TENM2: variants seen among roughly 807,000 people sequenced by gnomAD.
The protein encoded by TENM2 is teneurin transmembrane protein 2.
In TENM2, 52 loss-of-function variants were observed where a neutral mutation model predicts 245.2. The observed-to-expected ratio is 0.21, with a 90% CI of 0.17 to 0.27. TENM2 has a LOEUF of 0.27. TENM2 is among the 10% of genes least tolerant of loss of function. TENM2 has a pLI of 1.00. For missense variants in TENM2, 3,046 were observed against 3,666.8 expected, an observed-to-expected ratio of 0.83 and a Z score of 4.37; for synonymous variants, 1,363 against 1,438.9, an observed-to-expected ratio of 0.95 and a Z score of 1.19.
chr5:167,091,308 C>T, the TENM2 span, among the ~76,000 whole-genome samples: 1 of 152,194 alleles, frequency 6.6e-6, no homozygotes, highest in African/African-American at 2.4e-5. Flanking sequence ...GTATGGATAA[C>T]TGTCATTGAA....
chr5:167,223,583 A>G, the TENM2 span, among the ~76,000 whole-genome samples: 1 of 152,044 alleles, frequency 6.6e-6, no homozygotes, highest in African/African-American at 2.4e-5. Flanking sequence ...TTCTTTACCT[A>G]TTTATCCACT....
At chr5:167,895,023 G>GAGGGAGGC (rs1364782557) in intron 3 of TENM2, among the ~76,000 whole-genome samples, 3 of 129,692 alleles carry the variant, frequency 2.3e-5, no homozygotes. Flanking sequence ...GGGAGGGAGG[G>GAGGGAGGC]AGGGAGGCAG....
intron 2 of TENM2, among the ~76,000 whole-genome samples, chr5:167,472,432 C>T (rs1767090011): frequency 6.6e-6 from 1 of 152,186 alleles, no homozygotes; most frequent in African/African-American, 2.4e-5. Context: ...GGCTAGAACA[C>T]TAGAAATTGT....
chr5:168,141,936 G>A (rs139576730), intron 12 of TENM2, among the ~76,000 whole-genome samples: 11 of 152,266 alleles, frequency 7.2e-5, no homozygotes, highest in South Asian at 6.2e-4. Flanking sequence ...CGATTGGAGC[G>A]CTATACTGGA....
At chr5:167,478,990 A>ATGTGTGTGTG (rs58286500) in intron 2 of TENM2, among the ~76,000 whole-genome samples, 23 of 151,252 alleles carry the variant, frequency 1.5e-4, no homozygotes, top group African/African-American at 2.4e-4. Context: ...CTTTATATAT[A>ATGTGTGTGTG]TGTGTGTGTG....
chr5:167,233,528 T>G, the TENM2 span, among the ~76,000 whole-genome samples: 252 of 152,318 alleles, frequency 1.7e-3, 1 homozygote, highest in South Asian at 2.7e-3. Context: ...TGACTGCTGT[T>G]TAGCAGAGAG....
At chr5:168,122,360 T>A (rs1055733215) in intron 10 of TENM2, among the ~76,000 whole-genome samples, 1 of 152,108 alleles carries the variant, frequency 6.6e-6, no homozygotes, top group Admixed American at 6.5e-5. Context: ...GTATTTTTAG[T>A]AGAGACAGAG....
chr5:167,045,569 T>C, the TENM2 span, among the ~76,000 whole-genome samples: 1 of 152,332 alleles, frequency 6.6e-6, no homozygotes, highest in South Asian at 2.1e-4. Flanking sequence ...TGATGGCTAT[T>C]TAGAGTTAAG....
At chr5:167,511,892 A>G (rs1380411667) in intron 2 of TENM2, among the ~76,000 whole-genome samples, 1 of 152,198 alleles carries the variant, frequency 6.6e-6, no homozygotes, top group Non-Finnish European at 1.5e-5. Context: ...CCCCAAGAGA[A>G]ATGAAATTTG....
chr5:167,011,525 C>CT, the TENM2 span, among the ~76,000 whole-genome samples: 68 of 152,308 alleles, frequency 4.5e-4, no homozygotes, highest in Middle Eastern at 3.4e-3. Flanking sequence ...TGGTAGTGTT[C>CT]TTTGCGTACT....
At chr5:167,129,479 T>A in the TENM2 span, among the ~76,000 whole-genome samples, 1 of 152,230 alleles carries the variant, frequency 6.6e-6, no homozygotes, top group East Asian at 1.9e-4. Flanking sequence ...GCTGGAGTAA[T>A]CATGGAGGAA....
At chr5:167,921,815 C>T (rs1777391822) in intron 3 of TENM2, among the ~76,000 whole-genome samples, 1 of 152,156 alleles carries the variant, frequency 6.6e-6, no homozygotes, top group South Asian at 2.1e-4. Flanking sequence ...GATTACTTGA[C>T]CTCATGAAAT....
At chr5:167,365,923 TAAAG>T (rs1356906981) in intron 1 of TENM2, among the ~76,000 whole-genome samples, 1 of 151,854 alleles carries the variant, frequency 6.6e-6, no homozygotes, top group Non-Finnish European at 1.5e-5. Flanking sequence ...CTTATAATAA[TAAAG>T]AAGAATGGCT....
At chr5:168,128,247 T>C (rs933446805) in intron 12 of TENM2, among the ~76,000 whole-genome samples, 2 of 152,218 alleles carry the variant, frequency 1.3e-5, no homozygotes, top group Middle Eastern at 3.2e-3. Flanking sequence ...TGCAGCCGCT[T>C]TTATCCTCAG....
intron 9 of TENM2, among the ~76,000 whole-genome samples, chr5:168,107,745 C>G (rs1405206000): frequency 6.6e-6 from 1 of 152,206 alleles, no homozygotes; most frequent in Non-Finnish European, 1.5e-5. Context: ...GCTTCTTCCT[C>G]TTTGCTCAGG....
chr5:167,491,819 C>T (rs916630158), intron 2 of TENM2, among the ~76,000 whole-genome samples: 3 of 152,068 alleles, frequency 2.0e-5, no homozygotes, highest in African/African-American at 7.2e-5. Flanking sequence ...CAACCAACTA[C>T]GTGATCTAAA....
chr5:167,384,816 A>C (rs1392050134), intron 2 of TENM2, among the ~76,000 whole-genome samples: 2 of 152,252 alleles, frequency 1.3e-5, no homozygotes, highest in Admixed American at 6.5e-5. Flanking sequence ...CCCTTATACC[A>C]CAAAGAGTCT....
the TENM2 span, among the ~76,000 whole-genome samples, chr5:167,188,892 A>G: frequency 1.3e-5 from 2 of 152,146 alleles, no homozygotes; most frequent in African/African-American, 4.8e-5. Flanking sequence ...TATTCAGCAT[A>G]TTTGCTTCCA....
At chr5:167,802,769 A>G (rs890095912) in intron 2 of TENM2, among the ~76,000 whole-genome samples, 1 of 152,116 alleles carries the variant, frequency 6.6e-6, no homozygotes, top group Non-Finnish European at 1.5e-5. Flanking sequence ...GATTCTTGTC[A>G]TGGTGATAAA....
Sources: allele counts gnomAD v4.1 joint callset (sites outside exome capture counted in the v4.1 genomes callset), GRCh38; gene constraint gnomAD v4.1.1; transcripts MANE v1.5; gene names NCBI Gene and HGNC (gene_info 2026-07-23, HGNC 2026-07-21).